Variants in EML6 observed in about 807,000 individuals in gnomAD.
EML6 encodes the protein echinoderm microtubule-associated protein-like 6.
A neutral mutation model predicts 240.1 loss-of-function variants in EML6; 154 were observed. The ratio of observed to expected loss-of-function variants is 0.64; its 90% CI spans 0.56 to 0.73. EML6 has a LOEUF of 0.73. EML6 is among the 30% of genes least tolerant of loss of function. The probability of loss-of-function intolerance (pLI) is 0.00; values close to 1 mark genes in which losing one functional copy is unlikely to be tolerated. For missense variants in EML6, 2,964 were observed against 2,474.6 expected, an observed-to-expected ratio of 1.20 and a Z score of -4.20; for synonymous variants, 1,148 against 899.0, an observed-to-expected ratio of 1.28 and a Z score of -4.95.
chr2:54,732,839 C>A (rs1014148360), intron 2 of EML6, among the ~76,000 whole-genome samples: 4 of 152,138 alleles, frequency 2.6e-5, no homozygotes, highest in Non-Finnish European at 1.5e-5. Context: ...GTTTAGTGAC[C>A]AACAACAGTC....
At chr2:54,746,562 T>C (rs575782988) in intron 2 of EML6, among the ~76,000 whole-genome samples, 167 of 152,356 alleles carry the variant, frequency 1.1e-3, no homozygotes, top group African/African-American at 3.6e-3. Context: ...TTGTTGTTAC[T>C]AATCCTTATA....
At chr2:54,825,955 T>C (rs1411073267) in intron 5 of EML6, among the ~76,000 whole-genome samples, 1 of 152,218 alleles carries the variant, frequency 6.6e-6, no homozygotes, top group Non-Finnish European at 1.5e-5. Context: ...ATGCAGTTTC[T>C]TCCTCACTGC....
Position 54,906,886 on chromosome 2 carries a change from G to A in EML6, c.3409+3384G>A, listed in dbSNP as rs139173207. ...CCTCCAGAGTCTGGCAAGGTTGAGA[G>A]CAGAATTTAGAAGCAGGGTTCTGTT... On this transcript the variant is annotated intron_variant, in intron 24 of 41. Transcript: ENST00000356458. Among the ~76,000 whole-genome samples the A allele has an allele frequency of 4.0e-3, 605 of 152,306 alleles. 7 individuals carry two copies. The highest frequency in any genetic ancestry group is 0.014 in the African/African-American group (582 of 41,566).
Position 54,827,639 on chromosome 2 carries a change from T to C in EML6, c.599T>C (p.Ile200Thr). ...GGCAAAACAGGGGATCTTCAGACCA[T>C]CCTTTGCCTTGCATGTGCCAAAGAA... ...IFGKTGDLQTILCLACAKEDI... is the reference protein window; with the variant it reads ...IFGKTGDLQTTLCLACAKEDI... Residue 200 changes from isoleucine to threonine, a missense_variant, in exon 6 of 42, where the codon ATC (isoleucine) becomes ACC (threonine). Ile to Thr is a moderately conservative substitution (Grantham distance 89). Transcript: ENST00000356458. The C allele has an allele frequency of 6.4e-7, 1 of 1,551,720 alleles. No individual in the cohort carries two copies. Among genetic ancestry groups the C allele is most frequent in the African/African-American group, 1.4e-5 (1 of 73,178 alleles).
intron 2 of EML6, among the ~76,000 whole-genome samples, chr2:54,789,513 C>A (rs1321827831): frequency 1.3e-5 from 1 of 77,898 alleles, no homozygotes; most frequent in Non-Finnish European, 2.5e-5. Context: ...GACTTCGTCT[C>A]AAAAAAAAAA....
In EML6 at chr2:54,846,923, A is replaced by ATTT. The variant is rs34352060; in HGVS notation, c.1050-552_1050-550dup. Among the ~76,000 whole-genome samples the ATTT allele has an allele frequency of 3.8e-5, 5 of 129,908 alleles. 1 individual carries two copies. The highest frequency in any genetic ancestry group is 2.7e-4 in the Admixed American group (3 of 11,274). 85.2% of individuals were successfully genotyped at this position (129,908 alleles called of 152,430 possible). ...AAAGTAATATTTTGTATGAAGTAGT[A>ATTT]TTTTTTTTTTTTTGGAGACAGGGCC... is the stretch of plus-strand genomic sequence containing the variant. On this transcript the variant is annotated intron_variant, in intron 8 of 41. Coordinates refer to ENST00000356458, the MANE Select transcript of EML6 (RefSeq NM_001039753.4).
chr2:54,930,473 C>T (rs767132435), intron 28 of EML6, among the ~76,000 whole-genome samples: 1 of 151,906 alleles, frequency 6.6e-6, no homozygotes, highest in Non-Finnish European at 1.5e-5. Flanking sequence ...TCAAGCTATA[C>T]CCCATCAGAT....
chr2:54,819,543 C>T (rs1668230393), intron 4 of EML6, among the ~76,000 whole-genome samples: 1 of 152,042 alleles, frequency 6.6e-6, no homozygotes, highest in Non-Finnish European at 1.5e-5. Context: ...TTTGAGAGGC[C>T]AAGGCAGGTG....
At chr2:54,780,441 G>C (rs1458662468) in intron 2 of EML6, among the ~76,000 whole-genome samples, 2 of 152,290 alleles carry the variant, frequency 1.3e-5, no homozygotes, top group East Asian at 3.9e-4. Flanking sequence ...CTGATACAGA[G>C]ATCTTCTTTG....
At position 54,911,004 on chromosome 2, in the gene EML6, G is replaced by A. The variant is rs1269266291; in HGVS notation, c.3460G>A (p.Ala1154Thr). The change falls in exon 25 of 42, where the codon GCT becomes ACT. Residue 1154 changes from alanine (A) to threonine (T), a missense_variant. Transcript: ENST00000356458. ...SGAREQLFFEAPRGKRHIIRP... is the reference protein window; with the variant it reads ...SGAREQLFFETPRGKRHIIRP... ...TGCCAGAGAACAACTTTTTTTTGAA[G>A]CTCCAAGAGGCAAACGGCATATAAT... The A allele has an allele frequency of 6.5e-6, 10 of 1,540,272 alleles. No homozygotes were observed. The highest frequency in any genetic ancestry group is 3.9e-5 in the Admixed American group (2 of 50,918).
At chr2:54,791,659 G>A (rs1238921561) in intron 2 of EML6, among the ~76,000 whole-genome samples, 2 of 152,132 alleles carry the variant, frequency 1.3e-5, no homozygotes, top group East Asian at 3.9e-4. Context: ...ATGGCTCTGG[G>A]TAAACACTAT....
intron 10 of EML6, among the ~76,000 whole-genome samples, chr2:54,850,823 A>G (rs1670039360): frequency 6.6e-6 from 1 of 152,234 alleles, no homozygotes; most frequent in South Asian, 2.1e-4. Context: ...AGGAGAGTTG[A>G]GTTAAATGTG....
chr2:54,923,121 G>T (rs1286068723), intron 26 of EML6, among the ~76,000 whole-genome samples: 1 of 151,438 alleles, frequency 6.6e-6, no homozygotes, highest in Non-Finnish European at 1.5e-5. Flanking sequence ...TTGTAATTTT[G>T]GTAGAGATGG....
intron 17 of EML6, among the ~76,000 whole-genome samples, chr2:54,884,072 G>A (rs532565813): frequency 8.3e-4 from 126 of 152,218 alleles, no homozygotes; most frequent in Admixed American, 3.0e-3. Context: ...CTCTAGTTCC[G>A]TTCTATTCTG....
intron 7 of EML6, among the ~76,000 whole-genome samples, chr2:54,829,753 G>A (rs868556739): frequency 3.9e-5 from 6 of 152,170 alleles, no homozygotes; most frequent in African/African-American, 9.7e-5. Context: ...AAACTGAGAC[G>A]TTCTAGACAA....
chr2:54,771,377 A>G (rs188561672), intron 2 of EML6, among the ~76,000 whole-genome samples: 103 of 152,328 alleles, frequency 6.8e-4, no homozygotes, highest in African/African-American at 2.3e-3. Flanking sequence ...CTCATACAAG[A>G]GCGGATACAT....
intron 25 of EML6, among the ~76,000 whole-genome samples, chr2:54,915,190 C>T (rs1346005094): frequency 6.6e-6 from 1 of 152,174 alleles, no homozygotes; most frequent in Non-Finnish European, 1.5e-5. Flanking sequence ...TCTGTAGCTT[C>T]CAGCAAGTTC....
chr2:54,945,005 C>G (rs1420666485), intron 28 of EML6, among the ~76,000 whole-genome samples: 1 of 123,560 alleles, frequency 8.1e-6, no homozygotes, highest in Non-Finnish European at 1.7e-5. Context: ...CTCCCCCATC[C>G]ATTCCTCCCT....
rs993736244 is a variant in EML6, at chr2:54,967,980, A to G, written c.5598-148A>G. Reference sequence around the variant, plus strand: ...CCCTGCGGTCGGTTCCTAACAGGCCATGGACCAGTACCGTTCCGTGGCCTG... The same window carrying G: ...CCCTGCGGTCGGTTCCTAACAGGCCGTGGACCAGTACCGTTCCGTGGCCTG... On this transcript the variant is annotated intron_variant, in intron 39 of 41. Transcript: ENST00000356458. 5.1e-5 allele frequency: 36 copies of G among 710,104 alleles called. 1 individual carries two copies. In the Admixed American group the frequency reaches 7.4e-4, roughly 15 times the overall value. 44.0% of individuals were successfully genotyped at this position (710,104 alleles called of 1,614,324 possible).
Sources: gnomAD v4.1 joint callset for allele counts (sites outside exome capture counted in the v4.1 genomes callset) on GRCh38, gnomAD v4.1.1 for gene constraint, MANE v1.5 for transcripts, NCBI Gene and HGNC (gene_info 2026-07-23, HGNC 2026-07-21) for gene names.